GRID2: variants seen among roughly 807,000 people sequenced by gnomAD.
GRID2 encodes glutamate ionotropic receptor delta type subunit 2.
Under a neutral mutation model 114.8 loss-of-function variants are expected in GRID2, and 33 were observed. The ratio of observed to expected loss-of-function variants is 0.29; its 90% CI spans 0.22 to 0.38. GRID2 has a LOEUF of 0.38. Ranked by LOEUF, GRID2 falls within the 10% of genes least tolerant of loss-of-function variation. GRID2 has a pLI of 1.00. For synonymous variants in GRID2, 505 were observed against 449.9 expected (o/e 1.12, Z -1.55); for missense variants, 1,184 against 1,257.7 (o/e 0.94, Z 0.89).
At chr4:93,777,301 G>A (rs150807787), downstream of GRID2, among the ~76,000 whole-genome samples, 422 of 152,208 alleles carry the variant, frequency 2.8e-3, 1 homozygote, top group African/African-American at 9.2e-3. Context: ...TTCCTATGTC[G>A]TCAATAGTAT....
chr4:93,177,011 TCTC>T (rs1188523415), intron 4 of GRID2, among the ~76,000 whole-genome samples: 13 of 152,264 alleles, frequency 8.5e-5, no homozygotes, highest in Admixed American at 7.2e-4. Context: ...GTATGTAAGT[TCTC>T]CTACCTAGCA....
At chr4:93,284,859 A>G (rs1329608713) in intron 8 of GRID2, among the ~76,000 whole-genome samples, 1 of 152,076 alleles carries the variant, frequency 6.6e-6, no homozygotes, top group East Asian at 1.9e-4. Flanking sequence ...CTTCAAAATA[A>G]ATCAGTCATT....
intron 4 of GRID2, among the ~76,000 whole-genome samples, chr4:93,122,158 A>G (rs890148131): frequency 2.6e-5 from 4 of 152,030 alleles, no homozygotes; most frequent in Non-Finnish European, 4.4e-5. Flanking sequence ...TTTTAAAAGA[A>G]TGCTTCTTAC....
At chr4:93,784,679 G>A (rs1342982828) in intron 1 of GRID2, among the ~76,000 whole-genome samples, 4 of 111,362 alleles carry the variant, frequency 3.6e-5, no homozygotes, top group African/African-American at 1.5e-4. Context: ...CACACACCAC[G>A]GTATCGCAGA....
At chr4:92,914,876 G>T (rs1748662557) in intron 2 of GRID2, among the ~76,000 whole-genome samples, 1 of 152,068 alleles carries the variant, frequency 6.6e-6, no homozygotes, top group African/African-American at 2.4e-5. Context: ...GTGCTGCTAT[G>T]AATATGTGTA....
chr4:92,344,585 G>A (rs1292785653), intron 1 of GRID2, among the ~76,000 whole-genome samples: 2 of 152,102 alleles, frequency 1.3e-5, no homozygotes, highest in East Asian at 1.9e-4. Context: ...TTCTTCACTC[G>A]GATTCGAGTG....
At chr4:93,696,704 G>A (rs982595798) in intron 14 of GRID2, among the ~76,000 whole-genome samples, 1 of 152,114 alleles carries the variant, frequency 6.6e-6, no homozygotes, top group Admixed American at 6.6e-5. Flanking sequence ...GAAACTAGAA[G>A]TGCAATACTC....
At position 93,244,618 on chromosome 4, in the gene GRID2, A is replaced by G. The variant is rs868245190; in HGVS notation, c.1245+6128A>G. Among the ~76,000 whole-genome samples the G allele has an allele frequency of 1.2e-4, 6 of 49,950 alleles. 2 individuals carry two copies. The highest frequency in any genetic ancestry group is 2.5e-4 in the African/African-American group (3 of 11,968). The allele number at this position is 49,950 out of a possible 152,430, so 32.8% of individuals were successfully genotyped here. On this transcript the variant is annotated intron_variant, in intron 8 of 15. Transcript: ENST00000282020. ...TATTATATATTAATTAATAGATTAT[A>G]TAATCTATTATATATTAATTAATAG...
chr4:92,939,612 T>C (rs1181720369), intron 2 of GRID2, among the ~76,000 whole-genome samples: 1 of 147,392 alleles, frequency 6.8e-6, no homozygotes, highest in African/African-American at 2.4e-5. Context: ...GCCATTGCTT[T>C]TGGTGTTTTA....
At chr4:92,816,672 T>C (rs920793289) in intron 2 of GRID2, among the ~76,000 whole-genome samples, 2 of 152,150 alleles carry the variant, frequency 1.3e-5, no homozygotes, top group Non-Finnish European at 2.9e-5. Context: ...ATTTGATTCA[T>C]GTGGTCTAGA....
At position 92,363,355 on chromosome 4, in the gene GRID2, G is replaced by A. The variant is rs75811928; in HGVS notation, c.88+58611G>A. 5.1e-3 allele frequency among the ~76,000 whole-genome samples: 782 copies of A among 152,134 alleles called. 15 individuals are homozygous for A. In the East Asian group the frequency reaches 0.053, roughly 10 times the overall value. ...ACAAAATTTTTCAGCTATGAGGTGT[G>A]TCTAAAAGTATGAACTCATTTTGAC... On this transcript the variant is annotated intron_variant, in intron 1 of 15. Coordinates refer to ENST00000282020, the MANE Select transcript of GRID2 (RefSeq NM_001510.4).
At chr4:93,331,201 A>G (rs1758399348) in intron 8 of GRID2, among the ~76,000 whole-genome samples, 1 of 137,334 alleles carries the variant, frequency 7.3e-6, no homozygotes, top group Non-Finnish European at 1.5e-5. Flanking sequence ...CATTCTGGAG[A>G]CTCCAGAGAC....
rs532374975 is a variant in GRID2, at chr4:92,961,537, A to T, written c.245-123458A>T. On this transcript the variant is annotated intron_variant, in intron 2 of 15. Transcript: ENST00000282020. ...GCTTTCATAGTTTCTGATAAGTCAG[A>T]TATAATTTTATCTTAGTGAGTGCTT... Among the ~76,000 whole-genome samples the T allele has an allele frequency of 5.3e-5, 8 of 151,730 alleles. No individual in the cohort carries two copies. In the East Asian group the frequency reaches 1.5e-3, roughly 29 times the overall value.
At chr4:93,408,317 C>T (rs189168686) in intron 9 of GRID2, among the ~76,000 whole-genome samples, 11 of 152,132 alleles carry the variant, frequency 7.2e-5, no homozygotes, top group African/African-American at 2.4e-4. Context: ...TTTGGTGACA[C>T]TGCTGGAACA....
At chr4:92,776,650 A>G (rs990627002) in intron 2 of GRID2, among the ~76,000 whole-genome samples, 1 of 152,094 alleles carries the variant, frequency 6.6e-6, no homozygotes, top group African/African-American at 2.4e-5. Flanking sequence ...GGAAGGAAAC[A>G]TTAGCATCTT....
chr4:92,638,593 A>G (rs1731188067), intron 2 of GRID2, among the ~76,000 whole-genome samples: 1 of 149,856 alleles, frequency 6.7e-6, no homozygotes, highest in Non-Finnish European at 1.5e-5. Flanking sequence ...ATGAAATTCG[A>G]GAGTACTAAG....
intron 2 of GRID2, among the ~76,000 whole-genome samples, chr4:92,949,363 A>G (rs1560735455): frequency 6.6e-6 from 1 of 152,118 alleles, no homozygotes; most frequent in Admixed American, 6.6e-5. Context: ...CACAACGTGC[A>G]GGTTAGTTAC....
intron 2 of GRID2, among the ~76,000 whole-genome samples, chr4:92,599,688 A>T (rs1729109402): frequency 6.6e-6 from 1 of 152,120 alleles, no homozygotes; most frequent in Admixed American, 6.6e-5. Flanking sequence ...CTTAAGCTAT[A>T]TTTCAAACAT....
At chr4:92,861,053 C>T (rs974156370) in intron 2 of GRID2, among the ~76,000 whole-genome samples, 17 of 152,140 alleles carry the variant, frequency 1.1e-4, no homozygotes, top group Admixed American at 2.6e-4. Flanking sequence ...TCCTTCCTTA[C>T]TTATTAATCC....
Sources: allele counts gnomAD v4.1 joint callset (sites outside exome capture counted in the v4.1 genomes callset), GRCh38; gene constraint gnomAD v4.1.1; transcripts MANE v1.5; gene names NCBI Gene and HGNC (gene_info 2026-07-23, HGNC 2026-07-21).